Variants in KHDRBS2 observed in about 807,000 individuals in gnomAD.
KHDRBS2 encodes KH RNA binding domain containing, signal transduction associated 2, also known as KH domain-containing, RNA-binding, signal transduction-associated protein 2.
In KHDRBS2, 26 loss-of-function variants were observed where a neutral mutation model predicts 44.3. The ratio of observed to expected loss-of-function variants is 0.59; its 90% CI spans 0.43 to 0.81. The LOEUF is 0.81. Among genes scored for constraint, KHDRBS2 ranks in the 40% least tolerant of loss-of-function variants. The pLI is 0.00. For missense variants in KHDRBS2, 476 were observed against 433.1 expected (o/e 1.10, Z -0.88); for synonymous variants, 194 against 151.1 (o/e 1.28, Z -2.08).
rs56410130 is a variant in KHDRBS2 at position 61,752,671 on chromosome 6, C to CAAA, written c.811-19910_811-19908dup. Among the ~76,000 whole-genome samples the CAAA allele has an allele frequency of 9.9e-3, 1,096 of 111,188 alleles. 48 individuals are homozygous for CAAA. Among genetic ancestry groups the CAAA allele is most frequent in the South Asian group, 0.017 (58 of 3,344 alleles). The allele number at this position is 111,188 out of a possible 152,430, so 72.9% of individuals were successfully genotyped here. On this transcript the variant is annotated intron_variant, in intron 6 of 8. Coordinates refer to ENST00000281156, the MANE Select transcript of KHDRBS2 (RefSeq NM_152688.4). ...GCACTATTCTAGTGATTGTGGTATACAAAAAAAAAAAAAAAAAAAAAAGAA... is the reference window on the plus strand; with the variant it reads ...GCACTATTCTAGTGATTGTGGTATACAAAAAAAAAAAAAAAAAAAAAAAAAGAA...
chr6:62,106,841 C>A (rs1364600946), intron 2 of KHDRBS2, among the ~76,000 whole-genome samples: 1 of 151,886 alleles, frequency 6.6e-6, no homozygotes, highest in Non-Finnish European at 1.5e-5. Context: ...AAGACAAAAA[C>A]CACATGATTA....
chr6:61,707,446 A>G (rs1244634263), intron 7 of KHDRBS2, among the ~76,000 whole-genome samples: 2 of 151,840 alleles, frequency 1.3e-5, no homozygotes, highest in Admixed American at 6.6e-5. Flanking sequence ...TTGTAACATT[A>G]GCATCAAAGT....
intron 4 of KHDRBS2, among the ~76,000 whole-genome samples, chr6:61,923,306 C>A (rs1034806471): frequency 2.9e-4 from 44 of 151,862 alleles, no homozygotes; most frequent in Non-Finnish European, 2.8e-4. Context: ...AATATCACCG[C>A]AGATTATGCA....
rs569011575 is a variant in KHDRBS2 at position 62,073,065 on chromosome 6, CT to C, written c.220-25072del. 2.1e-3 allele frequency among the ~76,000 whole-genome samples: 319 copies of C among 152,102 alleles called. 1 individual carries two copies. Among genetic ancestry groups the C allele is most frequent in the African/African-American group, 7.2e-3 (300 of 41,506 alleles). ...AGATTCAACTTCTTCCTGGTTTAGTCTTGGGAGGGTGTATGTGTCGAGGAAT... is the reference window on the plus strand; with the variant it reads ...AGATTCAACTTCTTCCTGGTTTAGTCTGGGAGGGTGTATGTGTCGAGGAAT... On this transcript the variant is annotated intron_variant, in intron 2 of 8. Transcript: ENST00000281156.
At chr6:61,598,676 C>T in the KHDRBS2 span, among the ~76,000 whole-genome samples, 1 of 151,998 alleles carries the variant, frequency 6.6e-6, no homozygotes, top group Non-Finnish European at 1.5e-5. Flanking sequence ...TTTCCTGACC[C>T]AACGGAATCT....
At chr6:62,125,571 A>G (rs991257081) in intron 2 of KHDRBS2, among the ~76,000 whole-genome samples, 1 of 152,196 alleles carries the variant, frequency 6.6e-6, no homozygotes, top group Non-Finnish European at 1.5e-5. Flanking sequence ...GCACAGCTTC[A>G]AAAGAAACTC....
At chr6:62,066,828 T>C (rs529723967) in intron 2 of KHDRBS2, among the ~76,000 whole-genome samples, 17 of 151,620 alleles carry the variant, frequency 1.1e-4, no homozygotes, top group Non-Finnish European at 4.4e-5. Flanking sequence ...AAGTAACTGC[T>C]TTTTTGTCCT....
chr6:61,897,188 C>T (rs1803074354), intron 5 of KHDRBS2, among the ~76,000 whole-genome samples: 1 of 152,090 alleles, frequency 6.6e-6, no homozygotes, highest in Non-Finnish European at 1.5e-5. Context: ...TTTGAAAATT[C>T]CAAATTCCAG....
chr6:61,763,807 T>A (rs1421256340), intron 6 of KHDRBS2, among the ~76,000 whole-genome samples: 6 of 152,174 alleles, frequency 3.9e-5, no homozygotes, highest in African/African-American at 7.2e-5. Context: ...AAAAACTATT[T>A]TTATAAAAAA....
chr6:62,143,225 A>G (rs1464262276), intron 2 of KHDRBS2, among the ~76,000 whole-genome samples: 1 of 151,960 alleles, frequency 6.6e-6, no homozygotes, highest in African/African-American at 2.4e-5. Flanking sequence ...ACATAAATTT[A>G]TTGTGACTAA....
chr6:61,893,740 G>T (rs1802417071), intron 6 of KHDRBS2, among the ~76,000 whole-genome samples: 2 of 152,060 alleles, frequency 1.3e-5, no homozygotes, highest in African/African-American at 4.8e-5. Context: ...CACACACTGG[G>T]GCCTGTTGTG....
intron 6 of KHDRBS2, among the ~76,000 whole-genome samples, chr6:61,771,860 C>T (rs1272454736): frequency 6.6e-6 from 1 of 152,166 alleles, no homozygotes; most frequent in Non-Finnish European, 1.5e-5. Flanking sequence ...ACAGAACTCT[C>T]CACCCCAAAT....
At chr6:62,106,170 C>G (rs1463443076) in intron 2 of KHDRBS2, among the ~76,000 whole-genome samples, 1 of 152,030 alleles carries the variant, frequency 6.6e-6, no homozygotes, top group African/African-American at 2.4e-5. Context: ...TGTTCTTTTA[C>G]ATTTGCTGAG....
At position 61,743,598 on chromosome 6, in the gene KHDRBS2, A is replaced by C. The variant is rs573143685; in HGVS notation, c.811-10834T>G. 1.2e-4 allele frequency among the ~76,000 whole-genome samples: 18 copies of C among 152,234 alleles called. No homozygotes were observed. The South Asian group carries it at 2.5e-3, about 21-fold the overall frequency. On this transcript the variant is annotated intron_variant, in intron 6 of 8. Coordinates refer to ENST00000281156, the MANE Select transcript of KHDRBS2 (RefSeq NM_152688.4). ...GTTAATAATTTTGTATTATATTTGT[A>C]AAAATCAGTGTTTTATCCTTATTTT...
the KHDRBS2 span, among the ~76,000 whole-genome samples, chr6:61,645,318 TG>T: frequency 4.0e-5 from 6 of 150,672 alleles, no homozygotes; most frequent in South Asian, 1.3e-3. Context: ...TATCAGAGGG[TG>T]GGGGTTGGGA....
At chr6:62,265,465 A>G (rs985298335) in intron 1 of KHDRBS2, among the ~76,000 whole-genome samples, 6 of 151,946 alleles carry the variant, frequency 3.9e-5, no homozygotes, top group African/African-American at 1.4e-4. Context: ...ACATATCATT[A>G]GTAGTGAAAT....
At chr6:62,258,761 A>T (rs551586048) in intron 1 of KHDRBS2, among the ~76,000 whole-genome samples, 2 of 152,030 alleles carry the variant, frequency 1.3e-5, no homozygotes, top group Non-Finnish European at 2.9e-5. Flanking sequence ...TCAGAAATCC[A>T]AAACTCTTCT....
the KHDRBS2 span, among the ~76,000 whole-genome samples, chr6:61,602,853 C>A: frequency 6.6e-6 from 1 of 152,122 alleles, no homozygotes; most frequent in African/African-American, 2.4e-5. Flanking sequence ...ACCTGCCCAG[C>A]TCCCTTATTA....
the KHDRBS2 span, among the ~76,000 whole-genome samples, chr6:61,550,784 CTG>C: frequency 2.0e-5 from 1 of 50,064 alleles, no homozygotes; most frequent in African/African-American, 7.5e-5. Flanking sequence ...TTTTTTTTTT[CTG>C]TTTTTGAGAT....
Sources: allele counts gnomAD v4.1 joint callset (sites outside exome capture counted in the v4.1 genomes callset), GRCh38; gene constraint gnomAD v4.1.1; transcripts MANE v1.5; gene names NCBI Gene and HGNC (gene_info 2026-07-23, HGNC 2026-07-21).